ERP44: variants seen among roughly 807,000 people sequenced by gnomAD.
The protein encoded by ERP44 is endoplasmic reticulum resident protein 44.
ERP44 carries 25 observed loss-of-function variants against 53.4 expected under a neutral mutation model. The ratio of observed to expected loss-of-function variants is 0.47; its 90% CI spans 0.34 to 0.65. The LOEUF is 0.65. ERP44 is among the 30% of genes least tolerant of loss of function. The pLI, the probability that ERP44 is intolerant of heterozygous loss-of-function variation, is 0.01. For synonymous variants in ERP44, 145 were observed against 161.2 expected (o/e 0.90, Z 0.76); for missense variants, 338 against 493.2 (o/e 0.69, Z 2.98).
chr9:100,075,182 T>C (rs549545505), intron 1 of ERP44, among the ~76,000 whole-genome samples: 19 of 152,324 alleles, frequency 1.2e-4, no homozygotes, highest in Admixed American at 5.9e-4. Flanking sequence ...GTGCAGAAGA[T>C]AGATGGATCT....
At chr9:100,092,368 AG>A (rs1215928619) in intron 1 of ERP44, among the ~76,000 whole-genome samples, 4 of 152,254 alleles carry the variant, frequency 2.6e-5, no homozygotes, top group African/African-American at 9.6e-5. Context: ...TATAATCAGT[AG>A]GAGCTAAAGG....
intron 8 of ERP44, among the ~76,000 whole-genome samples, chr9:100,010,114 T>C (rs912263487): frequency 6.6e-6 from 1 of 152,256 alleles, no homozygotes; most frequent in Non-Finnish European, 1.5e-5. Context: ...TTCATTTCTC[T>C]TTTCCTCACA....
intron 4 of ERP44, among the ~76,000 whole-genome samples, chr9:100,047,112 A>C (rs1307121676): frequency 1.3e-5 from 2 of 152,248 alleles, no homozygotes; most frequent in Non-Finnish European, 2.9e-5. Context: ...TGGATCACAG[A>C]CATAAGTATA....
Position 100,006,618 on chromosome 9 carries a change from C to A in ERP44, c.904G>T (p.Asp302Tyr). The change falls in exon 10 of 12, where the codon GAC (aspartate) becomes TAC (tyrosine). Residue 302 changes from aspartate (D) to tyrosine (Y), a missense_variant. Asp to Tyr is a radical substitution (Grantham distance 160). Transcript: ENST00000262455. ...GTINFLHADCDKFRHPLLHIQ... is the reference protein window; with the variant it reads ...GTINFLHADCYKFRHPLLHIQ... Reference sequence around the variant, plus strand: ...TGCAGAAGAGGATGTCTAAATTTGTCACAATCGGCATGTAAAAAGTTTATT... The same window carrying A: ...TGCAGAAGAGGATGTCTAAATTTGTAACAATCGGCATGTAAAAAGTTTATT... 1 of 1,600,256 alleles carries A rather than the reference C, an allele frequency of 6.2e-7. No homozygotes were observed. The highest frequency in any genetic ancestry group is 1.1e-5 in the South Asian group (1 of 87,418).
chr9:100,018,283 G>A lies in ERP44; in HGVS notation c.618C>T (p.Gly206=), dbSNP rs1302993032. The change falls in exon 7 of 12, where the codon GGC becomes GGT. Residue 206 remains glycine, a synonymous_variant. Coordinates refer to ENST00000262455, the MANE Select transcript of ERP44 (RefSeq NM_015051.3). The stretch of plus-strand genomic sequence containing the variant: ...CTGGTGGTTTGTAGATTATGTTGTC[G>A]CCACTATATCTTTCCGGTTTTGAAA... ...GDVSKPERYS[G]DNIIYKPPGH... The A allele has an allele frequency of 8.1e-6, 13 of 1,605,774 alleles. No individual in the cohort carries two copies. Among genetic ancestry groups the A allele is most frequent in the Admixed American group, 6.7e-5 (4 of 59,992 alleles).
chr9:100,086,695 A>C (rs1826487919), intron 1 of ERP44, among the ~76,000 whole-genome samples: 1 of 152,228 alleles, frequency 6.6e-6, no homozygotes, highest in African/African-American at 2.4e-5. Flanking sequence ...AACAGCTAAA[A>C]AGAGAGGGAG....
At chr9:100,016,670 T>G (rs2118646824) in intron 7 of ERP44, among the ~76,000 whole-genome samples, 1 of 152,224 alleles carries the variant, frequency 6.6e-6, no homozygotes, top group Admixed American at 6.5e-5. Flanking sequence ...CCAAGCTAAT[T>G]ATTTTATTTT....
At chr9:99,994,998 G>A (rs1474418390) in intron 10 of ERP44, among the ~76,000 whole-genome samples, 2 of 151,914 alleles carry the variant, frequency 1.3e-5, no homozygotes, top group Non-Finnish European at 2.9e-5. Context: ...GTTTATTTTG[G>A]TTGTCTTGGA....
intron 10 of ERP44, chr9:99,999,126 G>T (rs1830349150): frequency 3.2e-6 from 2 of 616,490 alleles, no homozygotes; most frequent in African/African-American, 3.7e-5. Context: ...CGCACCTGAG[G>T]CACAGTGTAC....
chr9:100,086,174 C>T (rs532711985), intron 1 of ERP44, among the ~76,000 whole-genome samples: 23 of 152,254 alleles, frequency 1.5e-4, no homozygotes, highest in African/African-American at 3.9e-4. Flanking sequence ...CAGGGCATAA[C>T]GCATGTTTCC....
chr9:100,068,394 C>T, intron 1 of ERP44, among the ~76,000 whole-genome samples: 1 of 100,566 alleles, frequency 9.9e-6, no homozygotes, highest in African/African-American at 3.5e-5. Context: ...GGGGTCAGCC[C>T]CCTGCCCGGC....
At position 100,098,951 on chromosome 9, in the gene ERP44, T is replaced by C; in HGVS notation, c.-111A>G. ...GGGAGCCGACGGCAGCGGAGGATTC[T>C]CCAGGCAGCGGCACCTCGTCCTCTC... On this transcript the variant is annotated 5_prime_UTR_variant, in exon 1 of 12. Coordinates refer to ENST00000262455, the MANE Select transcript of ERP44 (RefSeq NM_015051.3). 1.2e-6 allele frequency: 1 copy of C among 832,188 alleles called. No homozygotes were observed. The highest frequency in any genetic ancestry group is 2.0e-6 in the Non-Finnish European group (1 of 507,744). The allele number at this position is 832,188 out of a possible 1,614,324, so 51.6% of individuals were successfully genotyped here. A position where few individuals can be genotyped will look rare whatever the true frequency, so the allele number is the denominator to read the frequency against.
At chr9:99,989,489 T>C (rs1208309834) in intron 10 of ERP44, among the ~76,000 whole-genome samples, 3 of 152,128 alleles carry the variant, frequency 2.0e-5, no homozygotes, top group Non-Finnish European at 4.4e-5. Context: ...CAGAAAGGAA[T>C]AGCACCAACA....
intron 4 of ERP44, among the ~76,000 whole-genome samples, chr9:100,028,327 C>G (rs1830675262): frequency 6.6e-6 from 1 of 152,194 alleles, no homozygotes; most frequent in African/African-American, 2.4e-5. Flanking sequence ...CTGGTCCCAC[C>G]AGGGGCTGAC....
chr9:100,020,742 AAG>A lies in ERP44; in HGVS notation c.472-13_472-12del. On this transcript the variant is annotated splice_polypyrimidine_tract_variant and intron_variant, in intron 5 of 11. Coordinates refer to ENST00000262455, the MANE Select transcript of ERP44 (RefSeq NM_015051.3). Reference sequence around the variant, plus strand: ...ATTTCTTTTGCTGCGCTGTAAAATAAAGTATGCAATTATTTTGCAAACATACA... The same window carrying A: ...ATTTCTTTTGCTGCGCTGTAAAATAATATGCAATTATTTTGCAAACATACA... 1 of 1,395,238 alleles carries A rather than the reference AAG, an allele frequency of 7.2e-7. No homozygotes were observed. The allele number at this position is 1,395,238 out of a possible 1,614,324, so 86.4% of individuals were successfully genotyped here.
chr9:99,994,357 A>G (rs933748625), intron 10 of ERP44, among the ~76,000 whole-genome samples: 2 of 152,196 alleles, frequency 1.3e-5, no homozygotes, highest in Non-Finnish European at 1.5e-5. Context: ...TTGTAGGGAT[A>G]TGGATGAAGC....
At chr9:100,038,636 C>G (rs1825869878) in intron 4 of ERP44, among the ~76,000 whole-genome samples, 1 of 151,964 alleles carries the variant, frequency 6.6e-6, no homozygotes, top group Non-Finnish European at 1.5e-5. Context: ...AAGGCGTATG[C>G]CTTTACTTAT....
chr9:100,064,032 A>C (rs1587978534), intron 1 of ERP44, among the ~76,000 whole-genome samples: 1 of 152,236 alleles, frequency 6.6e-6, no homozygotes, highest in African/African-American at 2.4e-5. Context: ...GCAAGGAAAG[A>C]ATGTTTTCTT....
intron 2 of ERP44, among the ~76,000 whole-genome samples, chr9:100,059,644 T>G (rs1235927203): frequency 6.6e-6 from 1 of 152,112 alleles, no homozygotes; most frequent in East Asian, 1.9e-4. Flanking sequence ...TGAGCTATAA[T>G]ATTATCATGC....
Sources: gnomAD v4.1 joint callset for allele counts (sites outside exome capture counted in the v4.1 genomes callset) on GRCh38, gnomAD v4.1.1 for gene constraint, MANE v1.5 for transcripts, NCBI Gene and HGNC (gene_info 2026-07-23, HGNC 2026-07-21) for gene names.